CTNNBIP1: variants seen among roughly 807,000 people sequenced by gnomAD.
CTNNBIP1 encodes beta-catenin-interacting protein 1.
Under a neutral mutation model 11.8 loss-of-function variants are expected in CTNNBIP1, and 7 were observed. That is an observed-to-expected ratio of 0.60 (90% CI 0.34 to 1.12). The LOEUF (loss-of-function observed/expected upper bound fraction) is 1.12, where lower values mean the gene tolerates loss of function less well. Among genes scored for constraint, CTNNBIP1 ranks in the 50% most tolerant of loss-of-function variants. CTNNBIP1 has a pLI of 0.03. For missense variants in CTNNBIP1, 101 were observed against 113.4 expected (o/e 0.89, Z 0.50); for synonymous variants, 58 against 43.9 (o/e 1.32, Z -1.26).
intron 5 of CTNNBIP1, among the ~76,000 whole-genome samples, chr1:9,863,138 G>A (rs1291495950): frequency 6.6e-6 from 1 of 152,170 alleles, no homozygotes; most frequent in Non-Finnish European, 1.5e-5. Flanking sequence ...CCGCAGCCAG[G>A]TGCTGAGTAA....
chr1:9,893,371 C>G (rs1639346442), intron 1 of CTNNBIP1: 1 of 152,224 alleles, frequency 6.6e-6, no homozygotes, highest in Non-Finnish European at 1.5e-5. Flanking sequence ...GTAATGACAT[C>G]CCCTTTCCCA....
At position 9,872,048 on chromosome 1, in the gene CTNNBIP1, G is replaced by A. The variant is rs1299911882; in HGVS notation, c.17C>T (p.Ala6Val). The A allele has an allele frequency of 2.5e-6, 4 of 1,614,032 alleles. No individual in the cohort carries two copies. The highest frequency in any genetic ancestry group is 1.3e-5 in the African/African-American group (1 of 74,956). The stretch of plus-strand genomic sequence containing the variant: ...CATCTCCTCCGGACTCTTCCCGGGA[G>A]CTCCCTCGCGGTTCATCCCCCTGCC... MNREGAPGKSPEEMYI... is the reference protein window; with the variant it reads MNREGVPGKSPEEMYI... The change falls in exon 4 of 6, where the codon GCT becomes GTT. Residue 6 changes from alanine (A) to valine (V), a missense_variant. Transcript: ENST00000377263. This position sits in a 1 kb window ranked among gnomAD's most constrained non-coding sequence, Gnocchi z 4.0.
rs1638323532 is a variant in CTNNBIP1, at chr1:9,849,173, T to C, written c.*1545A>G. ...ACCACCTCCCTCCCAGGGAAGGGGG[T>C]GGCAGGTGGAAGGACTTAGGTTTGG... is the stretch of plus-strand genomic sequence containing the variant. On this transcript the variant is annotated 3_prime_UTR_variant, in exon 6 of 6. Coordinates refer to ENST00000377263, the MANE Select transcript of CTNNBIP1 (RefSeq NM_020248.3). The C allele has an allele frequency of 6.6e-6, 1 of 151,976 alleles. No homozygotes were observed. The highest frequency in any genetic ancestry group is 2.1e-4 in the South Asian group (1 of 4,804). 9.4% of individuals were successfully genotyped at this position (151,976 alleles called of 1,614,324 possible).
intron 5 of CTNNBIP1, among the ~76,000 whole-genome samples, chr1:9,855,254 C>T (rs958147781): frequency 1.5e-5 from 2 of 129,452 alleles, no homozygotes; most frequent in Admixed American, 8.0e-5. Context: ...GTAAAAATTG[C>T]CTTTTTTTTT....
intron 1 of CTNNBIP1, among the ~76,000 whole-genome samples, chr1:9,905,186 A>G: frequency 6.6e-6 from 1 of 152,082 alleles, no homozygotes; most frequent in Non-Finnish European, 1.5e-5. Flanking sequence ...CAAAAGTAAA[A>G]TCCAAACTCC....
At chr1:9,882,623 G>A (rs1639106916) in intron 2 of CTNNBIP1, among the ~76,000 whole-genome samples, 1 of 152,322 alleles carries the variant, frequency 6.6e-6, no homozygotes, top group Middle Eastern at 3.4e-3. Flanking sequence ...TGTGGCCAAG[G>A]TGTGGAGCAG....
At position 9,883,776 on chromosome 1, in the gene CTNNBIP1, C is replaced by G. The variant is rs1639130226; in HGVS notation, c.-143-38G>C. ...GAAGAGGGGCAGAATCTTGCCTGTCCTTTCCCAGGTGCCCTGGCCCCCACT... is the reference window on the plus strand; with the variant it reads ...GAAGAGGGGCAGAATCTTGCCTGTCGTTTCCCAGGTGCCCTGGCCCCCACT... On this transcript the variant is annotated intron_variant, in intron 1 of 5. Transcript: ENST00000377263. This position sits in a 1 kb window ranked among gnomAD's most constrained non-coding sequence, Gnocchi z 5.6. The G allele has an allele frequency of 6.5e-6, 1 of 153,492 alleles. No individual in the cohort carries two copies. The highest frequency in any genetic ancestry group is 6.5e-5 in the Admixed American group (1 of 15,288). 9.5% of individuals were successfully genotyped at this position (153,492 alleles called of 1,614,324 possible).
intron 5 of CTNNBIP1, among the ~76,000 whole-genome samples, chr1:9,857,809 TAACAAC>T (rs199798148): frequency 6.6e-6 from 1 of 151,960 alleles, no homozygotes; most frequent in African/African-American, 2.4e-5. Context: ...TCAAAAACAA[TAACAAC>T]AACAACAACA....
chr1:9,896,628 T>C (rs1035205765), intron 1 of CTNNBIP1, among the ~76,000 whole-genome samples: 1 of 151,002 alleles, frequency 6.6e-6, no homozygotes, highest in Non-Finnish European at 1.5e-5. Context: ...AGGTCAGGAG[T>C]TCAAGACCAG....
chr1:9,851,282 C>T lies in CTNNBIP1; in HGVS notation c.188-506G>A, dbSNP rs1305025914. 1.3e-5 allele frequency among the ~76,000 whole-genome samples: 2 copies of T among 152,334 alleles called. No homozygotes were observed. The highest frequency in any genetic ancestry group is 2.1e-4 in the South Asian group (1 of 4,828). On this transcript the variant is annotated intron_variant, in intron 5 of 5. Transcript: ENST00000377263. The surrounding 1 kb of genome is among the most constrained non-coding windows in gnomAD (Gnocchi z 4.8). ...CAACACCTCTTCCAAGAAGTATGGC[C>T]GGGCCCACGTCCAGCCTGCTGTCCG...
At position 9,871,254 on chromosome 1, in the gene CTNNBIP1, G is replaced by A. The variant is rs12062756; in HGVS notation, c.120C>T (p.Phe40=). 2,618 of 1,577,294 alleles carry A rather than the reference G, an allele frequency of 1.7e-3. 47 individuals carry two copies. The African/African-American group carries it at 0.031, about 19-fold the overall frequency. Residue 40 remains phenylalanine (F), a synonymous_variant, in exon 5 of 6, where the codon TTC becomes TTT. Coordinates refer to ENST00000377263, the MANE Select transcript of CTNNBIP1 (RefSeq NM_020248.3). The surrounding 1 kb of genome is among the most constrained non-coding windows in gnomAD (Gnocchi z 5.2). ...GSNLTASEEE[F]LRTYAGVVNS... ...TGACCACCCCTGCATAGGTGCGCAG[G>A]AACTCCTCCTCGCTGGCTGTCAGCT...
intron 1 of CTNNBIP1, among the ~76,000 whole-genome samples, chr1:9,898,928 T>G (rs576036717): frequency 7.8e-4 from 119 of 152,342 alleles, no homozygotes; most frequent in Non-Finnish European, 1.4e-3. Flanking sequence ...TATATTTTGG[T>G]TTTTCCCTGA....
rs80060692 is a variant in CTNNBIP1 at position 9,859,798 on chromosome 1, G to A, written c.188-9022C>T. ...TGGGGAAATCCTGGCGGAGCCTAGT[G>A]CTGCACTAGCTCCTAATTTGCAAAC... On this transcript the variant is annotated intron_variant, in intron 5 of 5. Transcript: ENST00000377263. 1.8e-4 allele frequency among the ~76,000 whole-genome samples: 27 copies of A among 152,340 alleles called. No individual in the cohort carries two copies. In the East Asian group the frequency reaches 4.6e-3, roughly 26 times the overall value.
intron 1 of CTNNBIP1, among the ~76,000 whole-genome samples, chr1:9,905,884 C>T (rs1471987979): frequency 6.6e-6 from 1 of 152,210 alleles, no homozygotes; most frequent in African/African-American, 2.4e-5. Context: ...GGTGCTCAAT[C>T]AGTCATTCAA....
chr1:9,886,390 CG>C (rs1553191358), intron 1 of CTNNBIP1, among the ~76,000 whole-genome samples: 1,481 of 117,138 alleles, frequency 0.013, 27 homozygotes, highest in African/African-American at 0.11. Flanking sequence ...TTGTGACAAT[CG>C]AATCGAATAT....
chr1:9,894,898 C>T (rs1338428860), intron 1 of CTNNBIP1, among the ~76,000 whole-genome samples: 1 of 142,944 alleles, frequency 7.0e-6, no homozygotes, highest in Non-Finnish European at 1.5e-5. Context: ...GACTGCCATG[C>T]CTGGCTATTT....
At chr1:9,904,638 G>C (rs188829710) in intron 1 of CTNNBIP1, among the ~76,000 whole-genome samples, 1 of 152,238 alleles carries the variant, frequency 6.6e-6, no homozygotes, top group African/African-American at 2.4e-5. Flanking sequence ...GGGTAGGAAA[G>C]CTGTCCAGTC....
chr1:9,870,335 G>T (rs1638835488), intron 5 of CTNNBIP1, among the ~76,000 whole-genome samples: 1 of 152,212 alleles, frequency 6.6e-6, no homozygotes, highest in Non-Finnish European at 1.5e-5. Flanking sequence ...AGAATACTAG[G>T]CCTCTGTGTC....
intron 1 of CTNNBIP1, among the ~76,000 whole-genome samples, chr1:9,899,547 T>C (rs1639479662): frequency 7.5e-6 from 1 of 132,914 alleles, no homozygotes; most frequent in Admixed American, 7.8e-5. Context: ...GGTCACAAGG[T>C]CAGGAGATCA....
Sources: gnomAD v4.1 joint callset for allele counts (sites outside exome capture counted in the v4.1 genomes callset) on GRCh38, gnomAD v4.1.1 for gene constraint, Gnocchi (gnomAD v3.1) non-coding constraint, MANE v1.5 for transcripts, NCBI Gene and HGNC (gene_info 2026-07-23, HGNC 2026-07-21) for gene names.